UNC13C: variants seen among roughly 807,000 people sequenced by gnomAD.
UNC13C encodes unc-13 homolog C.
UNC13C carries 174 observed loss-of-function variants against 245.4 expected under a neutral mutation model. That is an observed-to-expected ratio of 0.71 (90% CI 0.63 to 0.80). The LOEUF (loss-of-function observed/expected upper bound fraction) is 0.80, where lower values mean the gene tolerates loss of function less well. Among genes scored for constraint, UNC13C ranks in the 30% least tolerant of loss-of-function variants. The pLI is 0.00. For missense variants in UNC13C, 2,829 were observed against 2,602.9 expected, an observed-to-expected ratio of 1.09 and a Z score of -1.89; for synonymous variants, 992 against 895.1, an observed-to-expected ratio of 1.11 and a Z score of -1.93.
At chr15:54,240,924 A>G (rs1953235859) in intron 7 of UNC13C, among the ~76,000 whole-genome samples, 1 of 152,172 alleles carries the variant, frequency 6.6e-6, no homozygotes, top group South Asian at 2.1e-4. Context: ...ATGCTTATTG[A>G]CTATCTGCTA....
intron 30 of UNC13C, among the ~76,000 whole-genome samples, chr15:54,575,184 C>T (rs62023992): frequency 0.055 from 8,425 of 152,080 alleles, 362 homozygotes; most frequent in Admixed American, 0.13. Flanking sequence ...TACAGGTGCC[C>T]GCCACCACAC....
At chr15:54,175,567 T>C (rs562564454) in intron 4 of UNC13C, among the ~76,000 whole-genome samples, 3 of 143,164 alleles carry the variant, frequency 2.1e-5, no homozygotes, top group South Asian at 2.2e-4. Context: ...GGCTGGAGCG[T>C]AGTGGCGCGA....
intron 2 of UNC13C, among the ~76,000 whole-genome samples, chr15:54,074,076 C>G (rs535973077): frequency 6.6e-6 from 1 of 152,042 alleles, no homozygotes; most frequent in Non-Finnish European, 1.5e-5. Context: ...GGAAGGAGTC[C>G]GGTTTCAGTT....
At chr15:54,550,693 C>T (rs996302532) in intron 28 of UNC13C, among the ~76,000 whole-genome samples, 1 of 152,106 alleles carries the variant, frequency 6.6e-6, no homozygotes, top group African/African-American at 2.4e-5. Flanking sequence ...AAATTGTCAC[C>T]CACACATGTT....
At chr15:54,298,817 T>C (rs2037501939) in intron 12 of UNC13C, among the ~76,000 whole-genome samples, 1 of 152,202 alleles carries the variant, frequency 6.6e-6, no homozygotes, top group Non-Finnish European at 1.5e-5. Context: ...CTCTTCTTCA[T>C]GTGTTTCAAA....
chr15:54,054,981 TTTGATCAGG>T, intron 2 of UNC13C, among the ~76,000 whole-genome samples: 1 of 152,224 alleles, frequency 6.6e-6, no homozygotes, highest in African/African-American at 2.4e-5. Context: ...GCCTACACTG[TTTGATCAGG>T]ATGACAAAAT....
intron 2 of UNC13C, among the ~76,000 whole-genome samples, chr15:54,038,008 ATATT>A (rs1288157858): frequency 6.7e-6 from 1 of 148,292 alleles, no homozygotes; most frequent in Non-Finnish European, 1.5e-5. Flanking sequence ...TTTAAAATTA[ATATT>A]TAATTTATTA....
intron 19 of UNC13C, among the ~76,000 whole-genome samples, chr15:54,446,838 G>T (rs1890843290): frequency 6.6e-6 from 1 of 152,178 alleles, no homozygotes; most frequent in African/African-American, 2.4e-5. Context: ...TTGAATAGGA[G>T]TGGTGAGAGA....
At chr15:54,352,086 G>A (rs892595223) in intron 17 of UNC13C, among the ~76,000 whole-genome samples, 3 of 151,374 alleles carry the variant, frequency 2.0e-5, no homozygotes, top group Non-Finnish European at 3.0e-5. Context: ...GAAATCTTGG[G>A]GTGAAAGTTA....
At chr15:54,456,128 T>G (rs1157963234) in intron 19 of UNC13C, among the ~76,000 whole-genome samples, 1 of 152,200 alleles carries the variant, frequency 6.6e-6, no homozygotes, top group Non-Finnish European at 1.5e-5. Context: ...TAGGGTTTCC[T>G]TTCCCCACTT....
chr15:54,325,868 G>T (rs1429059118), intron 14 of UNC13C, among the ~76,000 whole-genome samples: 1 of 151,958 alleles, frequency 6.6e-6, no homozygotes, highest in Non-Finnish European at 1.5e-5. Context: ...TATAAAAAGA[G>T]ACTTTATTTT....
intron 19 of UNC13C, chr15:54,417,120 C>G (rs1024210308): frequency 1.4e-5 from 5 of 352,490 alleles, no homozygotes; most frequent in African/African-American, 1.1e-4. Flanking sequence ...ATGTATGTGT[C>G]TTTTTTACCA....
At chr15:54,224,234 G>A (rs1214828430) in intron 4 of UNC13C, among the ~76,000 whole-genome samples, 2 of 152,070 alleles carry the variant, frequency 1.3e-5, no homozygotes, top group Admixed American at 6.6e-5. Context: ...AAGGTTTTCA[G>A]TTTTTCCCCA....
intron 25 of UNC13C, among the ~76,000 whole-genome samples, chr15:54,531,480 T>C (rs1243625388): frequency 3.3e-5 from 5 of 152,196 alleles, no homozygotes; most frequent in Non-Finnish European, 5.9e-5. Context: ...CAAATTTAAC[T>C]CAGTGTCCAG....
intron 30 of UNC13C, among the ~76,000 whole-genome samples, chr15:54,592,093 AT>A (rs1250758083): frequency 6.6e-6 from 1 of 152,036 alleles, no homozygotes; most frequent in Non-Finnish European, 1.5e-5. Context: ...ATTTCCATGT[AT>A]TTGTGTGGTT....
intron 10 of UNC13C, among the ~76,000 whole-genome samples, chr15:54,270,177 G>A (rs903127459): frequency 6.6e-6 from 1 of 152,098 alleles, no homozygotes; most frequent in African/African-American, 2.4e-5. Flanking sequence ...CATGAGAATT[G>A]CAGAGTTACC....
chr15:54,545,191 A>G (rs1896429838), intron 26 of UNC13C, among the ~76,000 whole-genome samples: 1 of 152,192 alleles, frequency 6.6e-6, no homozygotes, highest in African/African-American at 2.4e-5. Flanking sequence ...AAAACAAGCA[A>G]TGGGGAAACG....
intron 19 of UNC13C, among the ~76,000 whole-genome samples, chr15:54,447,839 T>C (rs1401828128): frequency 1.3e-5 from 2 of 152,206 alleles, no homozygotes; most frequent in African/African-American, 4.8e-5. Flanking sequence ...TTGCTCTTGC[T>C]TTTCTAGTTC....
At chr15:54,340,366 A>G (rs952233531) in intron 17 of UNC13C, among the ~76,000 whole-genome samples, 4 of 152,214 alleles carry the variant, frequency 2.6e-5, no homozygotes, top group East Asian at 1.9e-4. Context: ...GGCTAAGCCA[A>G]TGTCTAGAAG....
Sources: gnomAD v4.1 joint callset for allele counts (sites outside exome capture counted in the v4.1 genomes callset) on GRCh38, gnomAD v4.1.1 for gene constraint, MANE v1.5 for transcripts, NCBI Gene and HGNC (gene_info 2026-07-23, HGNC 2026-07-21) for gene names.